Variants in KANSL1L observed in about 807,000 individuals in gnomAD.
The protein encoded by KANSL1L is KAT8 regulatory NSL complex subunit 1 like, also known as KAT8 regulatory NSL complex subunit 1-like protein.
In KANSL1L, 25 loss-of-function variants were observed where a neutral mutation model predicts 108.6. That is an observed-to-expected ratio of 0.23 (90% CI 0.17 to 0.32). The LOEUF is 0.32. KANSL1L is among the 10% of genes least tolerant of loss of function. The probability of loss-of-function intolerance (pLI) is 1.00; values close to 1 mark genes in which losing one functional copy is unlikely to be tolerated. For missense variants in KANSL1L, 1,137 were observed against 1,125.7 expected, an observed-to-expected ratio of 1.01 and a Z score of -0.14; for synonymous variants, 405 against 395.1, an observed-to-expected ratio of 1.03 and a Z score of -0.30.
intron 6 of KANSL1L, among the ~76,000 whole-genome samples, chr2:210,066,042 C>T (rs2094464703): frequency 6.6e-6 from 1 of 152,182 alleles, no homozygotes; most frequent in Admixed American, 6.5e-5. Context: ...TTTTCAATTA[C>T]AGCCCCAATG....
At chr2:210,074,791 C>T (rs577088370) in intron 6 of KANSL1L, among the ~76,000 whole-genome samples, 7 of 152,158 alleles carry the variant, frequency 4.6e-5, no homozygotes, top group African/African-American at 1.4e-4. Flanking sequence ...AAATAGATAA[C>T]GTAATGATAA....
chr2:210,092,928 G>GTT (rs538266563), intron 5 of KANSL1L, among the ~76,000 whole-genome samples: 124 of 142,704 alleles, frequency 8.7e-4, no homozygotes, highest in Non-Finnish European at 1.6e-3. Context: ...TAGGTTTTTT[G>GTT]TTTTTTTTTT....
At chr2:210,095,583 T>G (rs533260569) in intron 5 of KANSL1L, among the ~76,000 whole-genome samples, 52 of 152,288 alleles carry the variant, frequency 3.4e-4, no homozygotes, top group African/African-American at 1.2e-3. Flanking sequence ...ATAGATTTTT[T>G]AATACATATT....
chr2:210,030,014 TTTTG>T, intron 9 of KANSL1L, 96 bp from the exon 10 acceptor site: 1 of 558,888 alleles, frequency 1.8e-6, no homozygotes, highest in Non-Finnish European at 3.1e-6. Context: ...TGATTCCTTG[TTTTG>T]TGTGTGTGTG....
chr2:210,107,537 T>A (rs1255044701), intron 3 of KANSL1L, among the ~76,000 whole-genome samples: 46 of 67,988 alleles, frequency 6.8e-4, no homozygotes, highest in African/African-American at 2.3e-3. Flanking sequence ...TATATATATT[T>A]TTTTTTTTTG....
rs547699758 is a variant in KANSL1L at position 210,091,010 on chromosome 2, G to T, written c.1550+7076C>A. Among the ~76,000 whole-genome samples, 450 of 152,178 alleles carry T rather than the reference G, an allele frequency of 3.0e-3. 4 individuals carry two copies. Among genetic ancestry groups the T allele is most frequent in the Middle Eastern group, 0.014 (4 of 294 alleles). On this transcript the variant is annotated intron_variant, in intron 5 of 14. Coordinates refer to ENST00000281772, the MANE Select transcript of KANSL1L (RefSeq NM_152519.4). The stretch of plus-strand genomic sequence containing the variant: ...AGAGGACAATTAACTGTAGCTATTG[G>T]TCCTTTCCTTTAGACATTTTTCATT...
At chr2:210,039,280 A>G (rs771374207) in intron 8 of KANSL1L, among the ~76,000 whole-genome samples, 9 of 151,964 alleles carry the variant, frequency 5.9e-5, no homozygotes, top group African/African-American at 1.7e-4. Flanking sequence ...CAGGAACAGG[A>G]TATTTCTCTC....
intron 1 of KANSL1L, among the ~76,000 whole-genome samples, chr2:210,159,084 T>C (rs993303734): frequency 1.8e-4 from 27 of 152,294 alleles, no homozygotes; most frequent in African/African-American, 5.8e-4. Context: ...GGTGAGAAAA[T>C]GAGTGGTTGC....
chr2:210,060,816 G>A (rs974000283), intron 6 of KANSL1L, among the ~76,000 whole-genome samples: 3 of 152,080 alleles, frequency 2.0e-5, no homozygotes, highest in African/African-American at 7.2e-5. Flanking sequence ...ACCATGATGG[G>A]GATAATACAA....
At chr2:210,111,857 A>G (rs544401927) in intron 3 of KANSL1L, among the ~76,000 whole-genome samples, 3 of 151,486 alleles carry the variant, frequency 2.0e-5, no homozygotes, top group Non-Finnish European at 4.4e-5. Context: ...AGCATTAGGT[A>G]TACCTCCTAA....
At chr2:210,071,785 T>C (rs2094509552) in intron 6 of KANSL1L, among the ~76,000 whole-genome samples, 1 of 152,146 alleles carries the variant, frequency 6.6e-6, no homozygotes, top group Admixed American at 6.6e-5. Flanking sequence ...CATAGACATA[T>C]CTTTCAGGGT....
chr2:210,148,663 G>C (rs561798880), intron 2 of KANSL1L, among the ~76,000 whole-genome samples: 1 of 152,238 alleles, frequency 6.6e-6, no homozygotes, highest in East Asian at 1.9e-4. Context: ...ATATCATTAT[G>C]AATTAAAGTC....
chr2:210,119,182 C>CGAAAAAAAA (rs777622403), intron 3 of KANSL1L, among the ~76,000 whole-genome samples: 1 of 147,958 alleles, frequency 6.8e-6, no homozygotes, highest in African/African-American at 2.5e-5. Flanking sequence ...GGCTCCGTCT[C>CGAAAAAAAA]GAAAAAAAAG....
chr2:210,155,158 T>A (rs936338798), intron 1 of KANSL1L: 5 of 152,168 alleles, frequency 3.3e-5, no homozygotes, highest in African/African-American at 9.7e-5. Context: ...ACACCTGTAA[T>A]CCCAGTACTT....
At chr2:210,162,240 A>G (rs762871858) in intron 1 of KANSL1L, among the ~76,000 whole-genome samples, 1 of 143,908 alleles carries the variant, frequency 6.9e-6, no homozygotes, top group African/African-American at 2.5e-5. Context: ...ATATATATAT[A>G]TATGTATATC....
intron 5 of KANSL1L, among the ~76,000 whole-genome samples, chr2:210,083,988 G>C (rs745383784): frequency 9.9e-5 from 15 of 151,978 alleles, no homozygotes; most frequent in Non-Finnish European, 1.8e-4. Flanking sequence ...ACAGTTCCTA[G>C]ACCATTTCCC....
chr2:210,025,901 G>A (rs531938453), intron 12 of KANSL1L, among the ~76,000 whole-genome samples: 1 of 152,058 alleles, frequency 6.6e-6, no homozygotes, highest in East Asian at 1.9e-4. Context: ...AGATGAGTTC[G>A]TAATACTTTC....
chr2:210,091,698 C>CT (rs1218217875), intron 5 of KANSL1L, among the ~76,000 whole-genome samples: 2 of 152,106 alleles, frequency 1.3e-5, no homozygotes, highest in Admixed American at 6.6e-5. Flanking sequence ...CTGTTATAGA[C>CT]TTTTTTTAGC....
chr2:210,025,967 T>TA (rs1344287570), intron 12 of KANSL1L, among the ~76,000 whole-genome samples: 3 of 152,238 alleles, frequency 2.0e-5, no homozygotes, highest in African/African-American at 4.8e-5. Context: ...CAGGAGTTTT[T>TA]ATGGATCGTC....
Sources: gnomAD v4.1 joint callset for allele counts (sites outside exome capture counted in the v4.1 genomes callset) on GRCh38, gnomAD v4.1.1 for gene constraint, MANE v1.5 for transcripts, NCBI Gene and HGNC (gene_info 2026-07-23, HGNC 2026-07-21) for gene names.